Variants in PDE3B observed in about 807,000 individuals in gnomAD.
PDE3B encodes cGMP-inhibited 3',5'-cyclic phosphodiesterase 3B.
Under a neutral mutation model 116.8 loss-of-function variants are expected in PDE3B, and 66 were observed. That is an observed-to-expected ratio of 0.56 (90% CI 0.46 to 0.69). The LOEUF (loss-of-function observed/expected upper bound fraction) is 0.69, where lower values mean the gene tolerates loss of function less well. Among genes scored for constraint, PDE3B ranks in the 30% least tolerant of loss-of-function variants. The pLI, the probability that PDE3B is intolerant of heterozygous loss-of-function variation, is 0.00. For missense variants in PDE3B, 1,384 were observed against 1,368.1 expected (o/e 1.01, Z -0.18); for synonymous variants, 595 against 533.6 (o/e 1.12, Z -1.59).
chr11:14,785,184 T>C (rs1271666361), intron 2 of PDE3B, among the ~76,000 whole-genome samples: 1 of 152,142 alleles, frequency 6.6e-6, no homozygotes, highest in Non-Finnish European at 1.5e-5. Flanking sequence ...TATTTTAACA[T>C]GTTAATTTGC....
the PDE3B span, among the ~76,000 whole-genome samples, chr11:14,896,457 G>A: frequency 6.6e-6 from 1 of 152,076 alleles, no homozygotes; most frequent in South Asian, 2.1e-4. Context: ...ATTCTATTGG[G>A]GGATGCCAAC....
At chr11:14,689,294 A>G (rs960017123) in intron 1 of PDE3B, among the ~76,000 whole-genome samples, 4 of 152,194 alleles carry the variant, frequency 2.6e-5, no homozygotes, top group Non-Finnish European at 5.9e-5. Context: ...GGTAGACGTT[A>G]TCTAGGTGGA....
At chr11:14,684,183 CA>C (rs1331831192) in intron 1 of PDE3B, among the ~76,000 whole-genome samples, 1 of 152,124 alleles carries the variant, frequency 6.6e-6, no homozygotes, top group Non-Finnish European at 1.5e-5. Context: ...TTGAAAGTAT[CA>C]GGGGAACCCA....
At chr11:14,772,736 G>T (rs1170561348) in intron 2 of PDE3B, 2 of 151,910 alleles carry the variant, frequency 1.3e-5, no homozygotes, top group Admixed American at 6.6e-5. Context: ...GAAAATAGAA[G>T]TATTTAATAT....
the PDE3B span, among the ~76,000 whole-genome samples, chr11:14,893,605 C>T: frequency 1.3e-5 from 2 of 152,154 alleles, no homozygotes; most frequent in Non-Finnish European, 2.9e-5. Flanking sequence ...AGAGGCTGCC[C>T]ACATTCCTTG....
At chr11:14,880,599 A>G in the PDE3B span, 2 of 1,612,820 alleles carry the variant, frequency 1.2e-6, no homozygotes, top group African/African-American at 2.7e-5. Context: ...TTAACTGTTT[A>G]AAGTCAAAAG....
At chr11:14,693,288 TATC>T (rs1855100536) in intron 1 of PDE3B, among the ~76,000 whole-genome samples, 1 of 152,238 alleles carries the variant, frequency 6.6e-6, no homozygotes, top group African/African-American at 2.4e-5. Flanking sequence ...TGCAGCAAGT[TATC>T]TAGAACATCT....
intron 1 of PDE3B, among the ~76,000 whole-genome samples, chr11:14,742,307 A>C (rs1856797095): frequency 6.6e-6 from 1 of 152,002 alleles, no homozygotes; most frequent in Admixed American, 6.6e-5. Flanking sequence ...TGTTTTCTCT[A>C]ATCTTCTTGC....
chr11:14,668,130 G>A (rs1854240727), intron 1 of PDE3B, among the ~76,000 whole-genome samples: 1 of 151,984 alleles, frequency 6.6e-6, no homozygotes, highest in African/African-American at 2.4e-5. Flanking sequence ...GGACACGTAT[G>A]CTGTCTTTCC....
At chr11:14,649,049 C>T (rs1007796192) in intron 1 of PDE3B, among the ~76,000 whole-genome samples, 1 of 152,146 alleles carries the variant, frequency 6.6e-6, no homozygotes, top group Non-Finnish European at 1.5e-5. Context: ...ATGAGTATTT[C>T]CATTATAGTG....
intron 1 of PDE3B, among the ~76,000 whole-genome samples, chr11:14,710,229 A>G (rs1313137828): frequency 6.6e-6 from 1 of 152,186 alleles, no homozygotes; most frequent in Non-Finnish European, 1.5e-5. Flanking sequence ...TGCTCCTTCA[A>G]TGAGATAGTG....
chr11:14,753,465 G>A (rs778136630), intron 1 of PDE3B, among the ~76,000 whole-genome samples: 12 of 152,132 alleles, frequency 7.9e-5, no homozygotes, highest in Non-Finnish European at 1.3e-4. Context: ...GAATCATTTG[G>A]TGTGTGAAGT....
Position 14,869,785 on chromosome 11 carries a change from A to AAT in PDE3B, c.*127_*128dup, listed in dbSNP as rs1848113579. ...GACCATTCCCATGTGGACAGGCCTTAATACTGTGAGAGGATCCTTGCTCTG... is the reference window on the plus strand; with the variant it reads ...GACCATTCCCATGTGGACAGGCCTTAATATACTGTGAGAGGATCCTTGCTCTG... On this transcript the variant is annotated 3_prime_UTR_variant, in exon 16 of 16. Transcript: ENST00000282096. 1.3e-5 allele frequency: 9 copies of AAT among 704,194 alleles called. No individual in the cohort carries two copies. Among genetic ancestry groups the AAT allele is most frequent in the Non-Finnish European group, 2.1e-5 (9 of 427,636 alleles). The allele number at this position is 704,194 out of a possible 1,614,324, so 43.6% of individuals were successfully genotyped here. A position where few individuals can be genotyped will look rare whatever the true frequency, so the allele number is the denominator to read the frequency against.
intron 1 of PDE3B, among the ~76,000 whole-genome samples, chr11:14,686,561 C>CT (rs1024876169): frequency 1.3e-5 from 2 of 151,914 alleles, no homozygotes; most frequent in Non-Finnish European, 2.9e-5. Context: ...ATCTAGCTTT[C>CT]TTTTTTTATG....
chr11:14,811,685 T>G (rs1453598355), intron 5 of PDE3B, among the ~76,000 whole-genome samples: 3 of 151,984 alleles, frequency 2.0e-5, no homozygotes, highest in African/African-American at 7.3e-5. Context: ...AAGAAAGTCA[T>G]TGGTAGCTTG....
At chr11:14,852,703 T>G (rs1847777428) in intron 12 of PDE3B, among the ~76,000 whole-genome samples, 1 of 152,192 alleles carries the variant, frequency 6.6e-6, no homozygotes. Flanking sequence ...TCTGCTCTCC[T>G]TCAGTCTGTT....
chr11:14,860,502 C>T (rs1847929082), intron 13 of PDE3B, among the ~76,000 whole-genome samples: 1 of 151,872 alleles, frequency 6.6e-6, no homozygotes, highest in Non-Finnish European at 1.5e-5. Flanking sequence ...GGCTTTTTTT[C>T]AGCTAATAAT....
At chr11:14,831,143 A>G (rs1018670423) in intron 8 of PDE3B, among the ~76,000 whole-genome samples, 5 of 151,704 alleles carry the variant, frequency 3.3e-5, no homozygotes, top group South Asian at 2.1e-4. Context: ...ATGTGAAGGT[A>G]TAGAGAATAT....
intron 1 of PDE3B, among the ~76,000 whole-genome samples, chr11:14,705,958 A>C (rs574091313): frequency 6.6e-6 from 1 of 151,924 alleles, no homozygotes; most frequent in African/African-American, 2.4e-5. Flanking sequence ...AGTCACTTCA[A>C]ATCTTTTATG....
Sources: allele counts gnomAD v4.1 joint callset (sites outside exome capture counted in the v4.1 genomes callset), GRCh38; gene constraint gnomAD v4.1.1; transcripts MANE v1.5; gene names NCBI Gene and HGNC (gene_info 2026-07-23, HGNC 2026-07-21).